OCSTAMP: variants seen among roughly 807,000 people sequenced by gnomAD.
OCSTAMP encodes the protein transmembrane protein C20orf123.
A neutral mutation model predicts 25.2 loss-of-function variants in OCSTAMP; 17 were observed. That is an observed-to-expected ratio of 0.68 (90% confidence interval 0.46 to 1.01). The LOEUF is 1.01. Ranked by LOEUF, OCSTAMP falls within the 50% of genes least tolerant of loss-of-function variation. OCSTAMP has a pLI of 0.00. For synonymous variants in OCSTAMP, 345 were observed against 318.9 expected, an observed-to-expected ratio of 1.08 and a Z score of -0.87; for missense variants, 664 against 694.6, an observed-to-expected ratio of 0.96 and a Z score of 0.50.
chr20:46,546,350 G>A, intron 1 of OCSTAMP, 21 bp from the exon 2 acceptor site: 1 of 1,540,388 alleles, frequency 6.5e-7, no homozygotes, highest in Non-Finnish European at 8.8e-7. Context: ...GGAAATTGAA[G>A]GGCATCTCTA....
At position 46,545,318 on chromosome 20, in the gene OCSTAMP, C is replaced by T; in HGVS notation, c.1047+9G>A. On this transcript the variant is annotated intron_variant, in intron 2 of 2. Coordinates refer to ENST00000279028, the MANE Select transcript of OCSTAMP (RefSeq NM_080721.3). ...TGACTCCCTTCCCTTTTCCCATCAT[C>T]ACACTTACATCATACTTGACCGTGA... 1.4e-6 allele frequency: 2 copies of T among 1,450,850 alleles called. No homozygotes were observed. The highest frequency in any genetic ancestry group is 1.8e-6 in the Non-Finnish European group (2 of 1,099,362). 89.9% of individuals were successfully genotyped at this position (1,450,850 alleles called of 1,614,324 possible).
chr20:46,542,042 A>T, intron 2 of OCSTAMP, 115 bp from the exon 3 acceptor site: 1 of 1,340,466 alleles, frequency 7.5e-7, no homozygotes, highest in South Asian at 2.3e-5. Context: ...TTACAGAAAT[A>T]ACCCGTTTCC....
chr20:46,547,945 G>T (rs570234814), intron 1 of OCSTAMP, among the ~76,000 whole-genome samples: 1 of 152,314 alleles, frequency 6.6e-6, no homozygotes, highest in African/African-American at 2.4e-5. Flanking sequence ...GAGGCAGAGA[G>T]TGAGACTGAG....
intron 2 of OCSTAMP, among the ~76,000 whole-genome samples, chr20:46,544,253 T>G (rs1191100381): frequency 6.6e-6 from 1 of 152,110 alleles, no homozygotes; most frequent in Non-Finnish European, 1.5e-5. Flanking sequence ...GAAATGCATT[T>G]TACAGTACCT....
At position 46,545,725 on chromosome 20, in the gene OCSTAMP, G is replaced by T. The variant is rs756193515; in HGVS notation, c.649C>A (p.Leu217Met). 6.4e-7 allele frequency: 1 copy of T among 1,551,660 alleles called. No homozygotes were observed. The highest frequency in any genetic ancestry group is 1.2e-5 in the South Asian group (1 of 84,066). The change falls in exon 2 of 3, where the codon CTG becomes ATG. Residue 217 changes from leucine to methionine, a missense_variant. Coordinates refer to ENST00000279028, the MANE Select transcript of OCSTAMP (RefSeq NM_080721.3). The stretch of plus-strand genomic sequence containing the variant: ...GTCCCTAGCGCTGCTGCCCGGGCCA[G>T]GGACTCCAGGCCAGAGAAATCCTCC... ...VLEDFSGLES[L>M]ARAAALGTQR...
At chr20:46,547,699 G>T (rs543191410) in intron 1 of OCSTAMP, among the ~76,000 whole-genome samples, 1 of 152,290 alleles carries the variant, frequency 6.6e-6, no homozygotes, top group Admixed American at 6.5e-5. Flanking sequence ...ACTAGACTGG[G>T]TCCAGGAGAG....
In OCSTAMP at chr20:46,541,650, A is replaced by G. The variant is rs2061834685; in HGVS notation, c.1325T>C (p.Val442Ala). 3.2e-6 allele frequency: 5 copies of G among 1,550,730 alleles called. No homozygotes were observed. The highest frequency in any genetic ancestry group is 1.7e-4 in the Middle Eastern group (1 of 5,972). ...SFFTAQEARR[V>A]RHLHARLQRR... Reference sequence around the variant, plus strand: ...CTGGAGCCGGGCGTGCAGGTGGCGGACCCTCCTCGCCTCCTGGGCTGTGAA... The same window carrying G: ...CTGGAGCCGGGCGTGCAGGTGGCGGGCCCTCCTCGCCTCCTGGGCTGTGAA... The change falls in exon 3 of 3, where the codon GTC becomes GCC. Residue 442 changes from valine to alanine, a missense_variant. Transcript: ENST00000279028.
rs1417581396 is a variant in OCSTAMP at position 46,541,464 on chromosome 20, C to A, written c.1511G>T (p.Cys504Phe). 12 of 1,547,728 alleles carry A rather than the reference C, an allele frequency of 7.8e-6. No homozygotes were observed. Among genetic ancestry groups the A allele is most frequent in the Non-Finnish European group, 1.0e-5 (12 of 1,143,472 alleles). ...ACCAAGGTTACAACTCAGGTCTCTGCAACTCCAAAGCTCTTTCCCTTCTCC... is the reference window on the plus strand; with the variant it reads ...ACCAAGGTTACAACTCAGGTCTCTGAAACTCCAAAGCTCTTTCCCTTCTCC... ...SEGEGKELWS[C>F]RDLSCNLGPV... The change falls in exon 3 of 3, where the codon TGC (cysteine) becomes TTC (phenylalanine). Residue 504 changes from cysteine (C) to phenylalanine (F), a missense_variant. Transcript: ENST00000279028.
chr20:46,548,222 C>T (rs998532022), intron 1 of OCSTAMP, among the ~76,000 whole-genome samples: 2 of 152,170 alleles, frequency 1.3e-5, no homozygotes, highest in African/African-American at 4.8e-5. Flanking sequence ...TCAGCTGTCT[C>T]ATCTGTAAAA....
chr20:46,543,343 T>TC (rs1177025147), intron 2 of OCSTAMP, among the ~76,000 whole-genome samples: 5 of 118,038 alleles, frequency 4.2e-5, no homozygotes, highest in African/African-American at 1.5e-4. Context: ...CGTTTCTTCC[T>TC]TTTTTTTTTT....
intron 2 of OCSTAMP, among the ~76,000 whole-genome samples, chr20:46,543,479 C>A (rs2061842219): frequency 6.6e-6 from 1 of 151,716 alleles, no homozygotes; most frequent in Non-Finnish European, 1.5e-5. Flanking sequence ...CAGGCACACA[C>A]CACCATGCCT....
intron 2 of OCSTAMP, among the ~76,000 whole-genome samples, chr20:46,544,261 C>G (rs779939851): frequency 4.6e-5 from 7 of 152,138 alleles, no homozygotes; most frequent in Non-Finnish European, 1.0e-4. Flanking sequence ...TTTTACAGTA[C>G]CTTCAAAGCA....
At chr20:46,548,253 C>T (rs1249113781) in intron 1 of OCSTAMP, among the ~76,000 whole-genome samples, 1 of 152,158 alleles carries the variant, frequency 6.6e-6, no homozygotes, top group Non-Finnish European at 1.5e-5. Flanking sequence ...AAAGTATGCA[C>T]CTCCTGGGGT....
intron 1 of OCSTAMP, among the ~76,000 whole-genome samples, chr20:46,547,441 C>T (rs1194425746): frequency 6.6e-6 from 1 of 152,188 alleles, no homozygotes; most frequent in Non-Finnish European, 1.5e-5. Flanking sequence ...CATCCAAGGA[C>T]ATGCCTCAAG....
At position 46,550,613 on chromosome 20, in the gene OCSTAMP, G is replaced by A. The variant is rs1401484874; in HGVS notation, c.-53C>T. On this transcript the variant is annotated 5_prime_UTR_variant, in exon 1 of 3. Coordinates refer to ENST00000279028, the MANE Select transcript of OCSTAMP (RefSeq NM_080721.3). ...GGGCGGTCGCTGGCAGCTGTGGCAG[G>A]TGGAGAGGAAGTGGGGGAATCGCTG... is the stretch of plus-strand genomic sequence containing the variant. 6.6e-7 allele frequency: 1 copy of A among 1,525,710 alleles called. No homozygotes were observed. Among genetic ancestry groups the A allele is most frequent in the Non-Finnish European group, 8.9e-7 (1 of 1,123,656 alleles). 94.5% of individuals were successfully genotyped at this position (1,525,710 alleles called of 1,614,324 possible).
At chr20:46,549,001 G>A (rs1490008697) in intron 1 of OCSTAMP, among the ~76,000 whole-genome samples, 1 of 152,190 alleles carries the variant, frequency 6.6e-6, no homozygotes, top group Admixed American at 6.5e-5. Context: ...GGCAACACAA[G>A]GAAAACAGTG....
chr20:46,542,071 CA>C, intron 2 of OCSTAMP, 144 bp from the exon 3 acceptor site: 1 of 1,220,952 alleles, frequency 8.2e-7, no homozygotes, highest in Non-Finnish European at 1.1e-6. Flanking sequence ...GAGGAGGACC[CA>C]ATGAGACTAG....
chr20:46,543,770 G>C (rs1055614947), intron 2 of OCSTAMP, among the ~76,000 whole-genome samples: 6 of 152,150 alleles, frequency 3.9e-5, no homozygotes, highest in African/African-American at 1.4e-4. Context: ...GGTTGAATTG[G>C]TAGCATTTTC....
intron 2 of OCSTAMP, 85 bp from the exon 3 acceptor site, chr20:46,542,012 T>C: frequency 7.4e-7 from 1 of 1,360,206 alleles, no homozygotes; most frequent in Non-Finnish European, 9.4e-7. Flanking sequence ...CAGCTTTCCC[T>C]GCCTTCATCT....
Sources: allele counts gnomAD v4.1 joint callset (sites outside exome capture counted in the v4.1 genomes callset), GRCh38; gene constraint gnomAD v4.1.1; transcripts MANE v1.5; gene names NCBI Gene and HGNC (gene_info 2026-07-23, HGNC 2026-07-21).